The following GLB1 variants were observed in gnomAD, a reference collection of about 807,000 sequenced individuals.
GLB1 encodes beta-galactosidase.
GLB1 carries 56 observed loss-of-function variants against 74.0 expected under a neutral mutation model. That is an observed-to-expected ratio of 0.76 (90% confidence interval 0.61 to 0.94). GLB1 has a LOEUF of 0.94. GLB1 is among the 40% of genes least tolerant of loss of function. GLB1 has a pLI of 0.00. For synonymous variants in GLB1, 323 were observed against 323.6 expected, an observed-to-expected ratio of 1.00 and a Z score of 0.02; for missense variants, 787 against 845.5, an observed-to-expected ratio of 0.93 and a Z score of 0.86.
chr3:33,080,758 C>A (rs1213411664), intron 1 of GLB1, among the ~76,000 whole-genome samples: 3 of 152,230 alleles, frequency 2.0e-5, no homozygotes, highest in Non-Finnish European at 4.4e-5. Context: ...CTGTCCCTTG[C>A]TCCTATGCTC....
chr3:33,033,291 T>C (rs374002320), intron 10 of GLB1, among the ~76,000 whole-genome samples: 23 of 152,350 alleles, frequency 1.5e-4, no homozygotes, highest in South Asian at 8.3e-4. Flanking sequence ...ACTGGAGAGA[T>C]AGTTCCCCAA....
chr3:33,046,399 G>C (rs1012181088), intron 9 of GLB1, among the ~76,000 whole-genome samples, 167 bp from the exon 10 acceptor site: 3 of 152,082 alleles, frequency 2.0e-5, no homozygotes, highest in African/African-American at 7.2e-5. Flanking sequence ...TTTAGAGGAA[G>C]GAATTTCTTT....
At chr3:33,009,113 C>T (rs966739761) in intron 15 of GLB1, among the ~76,000 whole-genome samples, 1 of 92,224 alleles carries the variant, frequency 1.1e-5, no homozygotes, top group South Asian at 3.7e-4. Context: ...GAATGAAACT[C>T]CATCTTAAAA....
chr3:33,007,879 T>C (rs528207200), intron 15 of GLB1, among the ~76,000 whole-genome samples: 10 of 152,324 alleles, frequency 6.6e-5, no homozygotes, highest in African/African-American at 2.2e-4. Flanking sequence ...GCCTGCTTTT[T>C]CACATGGGCC....
chr3:33,092,227 A>G (rs1051677609), intron 1 of GLB1: 1 of 985,618 alleles, frequency 1.0e-6, no homozygotes, highest in African/African-American at 1.7e-5. Context: ...GGCCTGGAAC[A>G]GGAGGAGCTT....
chr3:33,037,407 G>A (rs1257021092), intron 10 of GLB1, among the ~76,000 whole-genome samples: 1 of 152,190 alleles, frequency 6.6e-6, no homozygotes, highest in Non-Finnish European at 1.5e-5. Context: ...AGAAATGTAT[G>A]TGAATTATAC....
the GLB1 span, among the ~76,000 whole-genome samples, chr3:32,978,104 G>A: frequency 2.0e-5 from 3 of 152,208 alleles, no homozygotes; most frequent in Non-Finnish European, 4.4e-5. Context: ...TAAGCTGATG[G>A]GAGAGTAGAG....
At chr3:33,081,044 G>A (rs1401082785) in intron 1 of GLB1, among the ~76,000 whole-genome samples, 1 of 152,194 alleles carries the variant, frequency 6.6e-6, no homozygotes, top group Admixed American at 6.5e-5. Flanking sequence ...TCCACCCCTG[G>A]AGCGGGGCAG....
intron 4 of GLB1, among the ~76,000 whole-genome samples, chr3:33,067,002 C>CTTTTT (rs63579460): frequency 7.4e-6 from 1 of 135,474 alleles, no homozygotes; most frequent in Non-Finnish European, 1.6e-5. Context: ...GTTTTTATTT[C>CTTTTT]TTTTTTTTTT....
intron 13 of GLB1, 57 bp from the exon 14 acceptor site, chr3:33,016,897 G>C (rs948067459): frequency 6.2e-7 from 1 of 1,603,898 alleles, no homozygotes; most frequent in Non-Finnish European, 8.5e-7. Context: ...TCAGCAAGGA[G>C]AGGCAGCATG....
At chr3:32,974,026 CAA>C in the GLB1 span, among the ~76,000 whole-genome samples, 2 of 152,142 alleles carry the variant, frequency 1.3e-5, no homozygotes, top group Non-Finnish European at 2.9e-5. Context: ...TCCTCATCTG[CAA>C]AGAGACAAAC....
intron 10 of GLB1, among the ~76,000 whole-genome samples, chr3:33,027,117 ACT>A (rs1260525478): frequency 3.9e-5 from 6 of 152,040 alleles, no homozygotes; most frequent in African/African-American, 1.4e-4. Context: ...TGGGGCTGTG[ACT>A]CTCTCTTTGG....
the GLB1 span, among the ~76,000 whole-genome samples, chr3:32,980,245 T>C: frequency 6.5e-3 from 992 of 152,326 alleles, 8 homozygotes; most frequent in African/African-American, 0.021. Flanking sequence ...AAATACAAGA[T>C]CTTGCTATGT....
intron 1 of GLB1, among the ~76,000 whole-genome samples, chr3:33,085,487 T>A (rs992995728): frequency 1.1e-4 from 17 of 151,098 alleles, no homozygotes; most frequent in Non-Finnish European, 1.8e-4. Context: ...ACACTTATGA[T>A]TTTTTTTCTC....
At chr3:33,096,586 T>C (rs1575506338) in intron 1 of GLB1, 2 of 1,033,080 alleles carry the variant, frequency 1.9e-6, no homozygotes, top group Non-Finnish European at 2.3e-6. Context: ...CCCATTTTTC[T>C]CCTTCCGGAG....
At chr3:33,070,029 G>C (rs1156910711) in intron 2 of GLB1, among the ~76,000 whole-genome samples, 1 of 150,558 alleles carries the variant, frequency 6.6e-6, no homozygotes, top group Non-Finnish European at 1.5e-5. Flanking sequence ...TCGATGTTTA[G>C]CTACCACTTA....
At chr3:33,028,665 A>C (rs1450804324) in intron 10 of GLB1, among the ~76,000 whole-genome samples, 2 of 148,274 alleles carry the variant, frequency 1.3e-5, no homozygotes, top group African/African-American at 5.0e-5. Context: ...TTTACCCAAA[A>C]ATTTTTTTTT....
intron 10 of GLB1, among the ~76,000 whole-genome samples, chr3:33,025,994 T>A (rs1697732853): frequency 6.6e-6 from 1 of 152,038 alleles, no homozygotes. Context: ...CTGGGCCGAG[T>A]CACCCGCTGG....
intron 15 of GLB1, among the ~76,000 whole-genome samples, chr3:33,013,163 G>T (rs961730587): frequency 6.6e-6 from 1 of 152,110 alleles, no homozygotes; most frequent in Non-Finnish European, 1.5e-5. Flanking sequence ...CCTCTCCCAG[G>T]AACATGCTTT....
Sources: allele counts gnomAD v4.1 joint callset (sites outside exome capture counted in the v4.1 genomes callset), GRCh38; gene constraint gnomAD v4.1.1; transcripts MANE v1.5; gene names NCBI Gene and HGNC (gene_info 2026-07-23, HGNC 2026-07-21).